PPP2R1A: variants seen among roughly 807,000 people sequenced by gnomAD.
The protein encoded by PPP2R1A is serine/threonine-protein phosphatase 2A 65 kDa regulatory subunit A alpha isoform.
In PPP2R1A, 15 loss-of-function variants were observed where a neutral mutation model predicts 67.1. The ratio of observed to expected loss-of-function variants is 0.22; its 90% CI spans 0.15 to 0.34. The LOEUF is 0.34. Ranked by LOEUF, PPP2R1A falls within the 10% of genes least tolerant of loss-of-function variation. PPP2R1A has a pLI of 1.00. For synonymous variants in PPP2R1A, 337 were observed against 325.0 expected (o/e 1.04, Z -0.40); for missense variants, 369 against 775.0 (o/e 0.48, Z 6.22).
rs780783086 is a variant in PPP2R1A, at chr19:52,211,218, G to A, written c.271-42G>A. The A allele has an allele frequency of 6.9e-6, 11 of 1,584,708 alleles. No homozygotes were observed. The Admixed American group carries it at 1.4e-4, about 20-fold the overall frequency. On this transcript the variant is annotated intron_variant, in intron 3 of 14. Transcript: ENST00000322088. The surrounding 1 kb of genome is among the most constrained non-coding windows in gnomAD (Gnocchi z 5.3). ...GGATGGGGCTCCAGGGCTGCGGATGGTGGAGAGGGAGCTGTCCAGTGACTT... is the reference window on the plus strand; with the variant it reads ...GGATGGGGCTCCAGGGCTGCGGATGATGGAGAGGGAGCTGTCCAGTGACTT...
intron 3 of PPP2R1A, among the ~76,000 whole-genome samples, chr19:52,209,697 GCAGCCA>G (rs1292064443): frequency 6.6e-6 from 1 of 151,978 alleles, no homozygotes; most frequent in Non-Finnish European, 1.5e-5. Flanking sequence ...CCAGCCCCTG[GCAGCCA>G]CCGTAGGAGT....
chr19:52,216,430 C>A lies in PPP2R1A; in HGVS notation c.994-99C>A. The A allele has an allele frequency of 6.9e-7, 1 of 1,449,252 alleles. No homozygotes were observed. Among genetic ancestry groups the A allele is most frequent in the Non-Finnish European group, 9.5e-7 (1 of 1,055,052 alleles). The allele number at this position is 1,449,252 out of a possible 1,614,324, so 89.8% of individuals were successfully genotyped here. A position where few individuals can be genotyped will look rare whatever the true frequency, so the allele number is the denominator to read the frequency against. On this transcript the variant is annotated intron_variant, in intron 8 of 14. Transcript: ENST00000322088. This position sits in a 1 kb window ranked among gnomAD's most constrained non-coding sequence, Gnocchi z 4.3. ...TCCCCTGCTCTATGAATGAGAGGGGCAGAAGCAGGTTATTGTCTCTTAGGA... is the reference window on the plus strand; with the variant it reads ...TCCCCTGCTCTATGAATGAGAGGGGAAGAAGCAGGTTATTGTCTCTTAGGA...
At chr19:52,218,000 G>A (rs536587231) in intron 9 of PPP2R1A, among the ~76,000 whole-genome samples, 1 of 152,304 alleles carries the variant, frequency 6.6e-6, no homozygotes, top group South Asian at 2.1e-4. Flanking sequence ...CGGAGGCTGT[G>A]GGAGTCTGGA....
rs1437494108 is a variant in PPP2R1A, at chr19:52,211,247, G to C, written c.271-13G>C. On this transcript the variant is annotated splice_polypyrimidine_tract_variant and intron_variant, in intron 3 of 14. Transcript: ENST00000322088. This position sits in a 1 kb window ranked among gnomAD's most constrained non-coding sequence, Gnocchi z 5.3. The stretch of plus-strand genomic sequence containing the variant: ...AGAGGGAGCTGTCCAGTGACTTTGT[G>C]TTCTCACCACAGCCACCGCTGGAGT... 6.2e-7 allele frequency: 1 copy of C among 1,610,386 alleles called. No individual in the cohort carries two copies. Among genetic ancestry groups the C allele is most frequent in the African/African-American group, 1.3e-5 (1 of 74,944 alleles).
chr19:52,225,893 G>T, intron 14 of PPP2R1A, 72 bp from the exon 15 acceptor site: 1 of 1,613,476 alleles, frequency 6.2e-7, no homozygotes, highest in Admixed American at 1.7e-5. Flanking sequence ...CTTCTGGGAG[G>T]GGGAGGTACC....
Position 52,216,375 on chromosome 19 carries a change from G to C in PPP2R1A, c.994-154G>C, listed in dbSNP as rs983818708. On this transcript the variant is annotated intron_variant, in intron 8 of 14. Transcript: ENST00000322088. The surrounding 1 kb of genome is among the most constrained non-coding windows in gnomAD (Gnocchi z 4.3). ...CTCTTAAGTAGGTGGTACTCATAAG[G>C]AATAGTGATTTCCCCTGTACCCTAA... is the stretch of plus-strand genomic sequence containing the variant. Among the ~76,000 whole-genome samples the C allele has an allele frequency of 6.6e-6, 1 of 152,148 alleles. No individual in the cohort carries two copies. Among genetic ancestry groups the C allele is most frequent in the African/African-American group, 2.4e-5 (1 of 41,418 alleles).
At chr19:52,201,601 T>A in intron 1 of PPP2R1A, 1 of 240,858 alleles carries the variant, frequency 4.2e-6, no homozygotes, top group Non-Finnish European at 8.6e-6. Flanking sequence ...TGCATTGGCA[T>A]GTTACATGAT....
intron 3 of PPP2R1A, among the ~76,000 whole-genome samples, chr19:52,210,424 G>GAA (rs2089653403): frequency 6.6e-6 from 1 of 151,532 alleles, no homozygotes; most frequent in African/African-American, 2.4e-5. Context: ...TCAGGTTTTC[G>GAA]ATCCTGACCT....
Position 52,219,780 on chromosome 19 carries a change from T to C in PPP2R1A, c.1218T>C (p.Pro406=). 3.1e-6 allele frequency: 5 copies of C among 1,614,036 alleles called. No homozygotes were observed. The highest frequency in any genetic ancestry group is 4.2e-6 in the Non-Finnish European group (5 of 1,180,042). Residue 406 remains proline, a synonymous_variant, in exon 10 of 15, where the codon CCT becomes CCC. Transcript: ENST00000322088. This position sits in a 1 kb window ranked among gnomAD's most constrained non-coding sequence, Gnocchi z 4.0. The part of the protein sequence containing the change: ...GIRQLSQSLL[P]AIVELAEDAK... ...GGCAGCTGTCCCAGTCCCTGCTCCC[T>C]GCCATTGTGGAGCTGGCTGAGGACG...
chr19:52,197,557 C>T (rs928643024), intron 1 of PPP2R1A, among the ~76,000 whole-genome samples: 1 of 152,100 alleles, frequency 6.6e-6, no homozygotes, highest in Non-Finnish European at 1.5e-5. Context: ...TGCCTGTAGA[C>T]CCGTCTACTT....
Position 52,197,846 on chromosome 19 carries a change from T to C in PPP2R1A, c.79-4098T>C, listed in dbSNP as rs1251715991. 2.0e-5 allele frequency among the ~76,000 whole-genome samples: 3 copies of C among 152,208 alleles called. No individual in the cohort carries two copies. The East Asian group carries it at 5.8e-4, about 29-fold the overall frequency. ...CTGCCTCAAGACGGGGGATTCTGTA[T>C]TTCCCTCATGGGATTGTGAGGGTCA... On this transcript the variant is annotated intron_variant, in intron 1 of 14. Coordinates refer to ENST00000322088, the MANE Select transcript of PPP2R1A (RefSeq NM_014225.6).
chr19:52,198,805 C>T (rs369820928), intron 1 of PPP2R1A, among the ~76,000 whole-genome samples: 10 of 152,298 alleles, frequency 6.6e-5, no homozygotes, highest in South Asian at 2.1e-4. Flanking sequence ...TGTCCTCACT[C>T]GCCTCTGTGC....
chr19:52,191,023 C>A (rs2089449565), intron 1 of PPP2R1A: 1 of 152,256 alleles, frequency 6.6e-6, no homozygotes, highest in African/African-American at 2.4e-5. Flanking sequence ...CCACGCCCGA[C>A]TAATTTTTGT....
chr19:52,223,284 G>A (rs1440819754), intron 13 of PPP2R1A, among the ~76,000 whole-genome samples: 1 of 152,172 alleles, frequency 6.6e-6, no homozygotes, highest in Non-Finnish European at 1.5e-5. Context: ...GAACCAGAAA[G>A]ATTTTAAAAA....
At chr19:52,205,653 G>A (rs988305933) in intron 2 of PPP2R1A, among the ~76,000 whole-genome samples, 2 of 152,168 alleles carry the variant, frequency 1.3e-5, no homozygotes, top group East Asian at 1.9e-4. Flanking sequence ...CACTGTAACC[G>A]TTGCTACGAG....
In PPP2R1A at chr19:52,220,840, C is replaced by A. The variant is rs544153574; in HGVS notation, c.1364-139C>A. 56 of 958,130 alleles carry A rather than the reference C, an allele frequency of 5.8e-5. 1 individual carries two copies. In the South Asian group the frequency reaches 8.4e-4, roughly 14 times the overall value. The allele number at this position is 958,130 out of a possible 1,614,324, so 59.4% of individuals were successfully genotyped here. A position where few individuals can be genotyped will look rare whatever the true frequency, so the allele number is the denominator to read the frequency against. On this transcript the variant is annotated intron_variant, in intron 11 of 14. Transcript: ENST00000322088. ...TTACTAGATATAGCACATAGTAAGT[C>A]CTTTTTTCTCTCTTTGGCTCACATG... is the stretch of plus-strand genomic sequence containing the variant.
At chr19:52,215,285 G>A (rs903539552) in intron 6 of PPP2R1A, among the ~76,000 whole-genome samples, 3 of 152,060 alleles carry the variant, frequency 2.0e-5, no homozygotes, top group Admixed American at 6.5e-5. Context: ...CTTGTTCTCT[G>A]GGACTCAAGC....
At chr19:52,221,275 T>C (rs8101990) in intron 12 of PPP2R1A, 142 bp downstream of exon 12, 94,565 of 1,265,950 alleles carry the variant, frequency 0.075, 3,853 homozygotes, top group African/African-American at 0.13. Context: ...AGATGAGTCC[T>C]TGGGGAACTG....
Position 52,212,019 on chromosome 19 carries a change from GAAGC to G in PPP2R1A, c.503+530_503+533del, listed in dbSNP as rs1469184325. Among the ~76,000 whole-genome samples the G allele has an allele frequency of 2.0e-5, 3 of 152,192 alleles. No individual in the cohort carries two copies. The highest frequency in any genetic ancestry group is 2.9e-5 in the Non-Finnish European group (2 of 68,036). ...ACACTGGCCCCCACCGCCTTTGATC[GAAGC>G]AATTGCTGCTGAAAAATAAAGCCTT... On this transcript the variant is annotated intron_variant, in intron 4 of 14. Transcript: ENST00000322088. This position sits in a 1 kb window ranked among gnomAD's most constrained non-coding sequence, Gnocchi z 4.1.
Sources: allele counts gnomAD v4.1 joint callset (sites outside exome capture counted in the v4.1 genomes callset), GRCh38; gene constraint gnomAD v4.1.1; non-coding constraint Gnocchi (gnomAD v3.1); transcripts MANE v1.5; gene names NCBI Gene and HGNC (gene_info 2026-07-23, HGNC 2026-07-21).